Variants in MCM4 observed in about 807,000 individuals in gnomAD.
MCM4 encodes the protein DNA replication licensing factor MCM4.
A neutral mutation model predicts 88.7 loss-of-function variants in MCM4; 60 were observed. The observed-to-expected ratio is 0.68, with a 90% CI of 0.55 to 0.84. The LOEUF is 0.84. MCM4 is among the 40% of genes least tolerant of loss of function. MCM4 has a pLI of 0.00. For missense variants in MCM4, 1,149 were observed against 1,105.5 expected (o/e 1.04, Z -0.56); for synonymous variants, 465 against 410.5 (o/e 1.13, Z -1.61).
In MCM4 at chr8:47,961,696, T is replaced by C; in HGVS notation, c.235+16T>C. On this transcript the variant is annotated intron_variant, in intron 3 of 16. Coordinates refer to ENST00000649973, the MANE Select transcript of MCM4 (RefSeq NM_182746.3). Reference sequence around the variant, plus strand: ...CATTCTTCAGGTGCGTGTCTGAAGATCTTGGTTTTGCTGTGCTTGATACAC... The same window carrying C: ...CATTCTTCAGGTGCGTGTCTGAAGACCTTGGTTTTGCTGTGCTTGATACAC... 1 of 1,593,982 alleles carries C rather than the reference T, an allele frequency of 6.3e-7. No homozygotes were observed. Among genetic ancestry groups the C allele is most frequent in the African/African-American group, 1.3e-5 (1 of 74,420 alleles).
Position 47,977,907 on chromosome 8 carries a change from A to G in MCM4, c.*1129A>G, listed in dbSNP as rs921220063. On this transcript the variant is annotated 3_prime_UTR_variant, in exon 17 of 17. Coordinates refer to ENST00000649973, the MANE Select transcript of MCM4 (RefSeq NM_182746.3). ...ACCCTAATACATAAAACTTTTTCCTAAATAAATGATGGAAGGAATAATACT... is the reference window on the plus strand; with the variant it reads ...ACCCTAATACATAAAACTTTTTCCTGAATAAATGATGGAAGGAATAATACT... 1 of 152,196 alleles carries G rather than the reference A, an allele frequency of 6.6e-6. No individual in the cohort carries two copies. Among genetic ancestry groups the G allele is most frequent in the African/African-American group, 2.4e-5 (1 of 41,452 alleles). The allele number at this position is 152,196 out of a possible 1,614,324, so 9.4% of individuals were successfully genotyped here.
intron 10 of MCM4, chr8:47,969,516 C>T (rs2090931501): frequency 5.1e-6 from 2 of 392,202 alleles, no homozygotes; most frequent in Non-Finnish European, 9.3e-6. Context: ...CCTCAGCCTC[C>T]CAAAGTGCTA....
chr8:47,966,174 T>C lies in MCM4; in HGVS notation c.833-13T>C. 1.2e-6 allele frequency: 2 copies of C among 1,610,650 alleles called. No individual in the cohort carries two copies. The highest frequency in any genetic ancestry group is 1.1e-5 in the South Asian group (1 of 90,992). On this transcript the variant is annotated splice_polypyrimidine_tract_variant and intron_variant, in intron 8 of 16. Transcript: ENST00000649973. Reference sequence around the variant, plus strand: ...TCAGGTCAGGTGTGCTGACCTCTCTTCTCCCCTCACAGACATTGACCAGCT... The same window carrying C: ...TCAGGTCAGGTGTGCTGACCTCTCTCCTCCCCTCACAGACATTGACCAGCT...
intron 10 of MCM4, among the ~76,000 whole-genome samples, chr8:47,968,310 G>T (rs574852424): frequency 6.6e-6 from 1 of 152,334 alleles, no homozygotes; most frequent in South Asian, 2.1e-4. Flanking sequence ...TTCTTCCCCA[G>T]TGTGAAGTCC....
At chr8:47,964,747 G>A in intron 8 of MCM4, 35 bp downstream of exon 8, 12 of 1,502,996 alleles carry the variant, frequency 8.0e-6, no homozygotes, top group Middle Eastern at 1.8e-4. Flanking sequence ...TTTTGTTGAA[G>A]GAAAATGCCT....
intron 10 of MCM4, chr8:47,969,534 A>G: frequency 2.1e-6 from 1 of 479,824 alleles, no homozygotes; most frequent in Non-Finnish European, 3.8e-6. Context: ...CTAGGATTAC[A>G]GACATGAGCC....
chr8:47,976,602 T>C lies in MCM4; in HGVS notation c.2500-84T>C, dbSNP rs564437835. ...AAAAGAGAAAGATTCTGGGTGGTAC[T>C]TTAACATTATAATTATTGTGTTTCT... On this transcript the variant is annotated intron_variant, in intron 16 of 16. Coordinates refer to ENST00000649973, the MANE Select transcript of MCM4 (RefSeq NM_182746.3). The C allele has an allele frequency of 3.6e-5, 36 of 1,002,632 alleles. 2 individuals are homozygous for C. In the South Asian group the frequency reaches 4.6e-4, roughly 13 times the overall value. 62.1% of individuals were successfully genotyped at this position (1,002,632 alleles called of 1,614,324 possible).
Position 47,967,394 on chromosome 8 carries a change from G to T in MCM4, c.1083G>T (p.Met361Ile), listed in dbSNP as rs193178051. 2 of 1,614,152 alleles carry T rather than the reference G, an allele frequency of 1.2e-6. No individual in the cohort carries two copies. The highest frequency in any genetic ancestry group is 1.7e-6 in the Non-Finnish European group (2 of 1,180,026). ...AGCTTCAGGAGTCTCCGGAAGACAT[G>T]CCTGCAGGGCAGACACCACACACAG... The part of the protein sequence containing the change: ...MIKLQESPED[M>I]PAGQTPHTVI... Residue 361 changes from methionine (M) to isoleucine (I), a missense_variant, in exon 10 of 17, where the codon ATG (methionine) becomes ATT (isoleucine). Physicochemically the swap from Met to Ile is conservative, Grantham distance 10. Transcript: ENST00000649973.
In MCM4 at chr8:47,970,952, T is replaced by C. The variant is rs2090948387; in HGVS notation, c.1800+76T>C. ...CCTTGAAAGACAGGGTCTGTGGAAC[T>C]GTGCTGTGCTACCTTGGTTCTAACT... On this transcript the variant is annotated intron_variant, in intron 12 of 16. Transcript: ENST00000649973. 4.0e-6 allele frequency: 6 copies of C among 1,494,142 alleles called. No homozygotes were observed. The Admixed American group carries it at 8.6e-5, about 21-fold the overall frequency. 92.6% of individuals were successfully genotyped at this position (1,494,142 alleles called of 1,614,324 possible).
chr8:47,972,986 G>A lies in MCM4; in HGVS notation c.2058G>A (p.Val686=), dbSNP rs1369508115. 7 of 1,614,152 alleles carry A rather than the reference G, an allele frequency of 4.3e-6. No homozygotes were observed. Among genetic ancestry groups the A allele is most frequent in the Non-Finnish European group, 5.1e-6 (6 of 1,180,028 alleles). ...QAEEELLDMA[V]LKDYIAYAHS... ...AGGAGGAGCTCCTGGACATGGCGGT[G>A]CTAAAGGACTACATTGCCTACGCGC... The change falls in exon 14 of 17, where the codon GTG becomes GTA. Residue 686 remains valine (V), a synonymous_variant. Transcript: ENST00000649973.
chr8:47,973,200 T>TGGGCAAGAGAGCCA, intron 14 of MCM4, 136 bp downstream of exon 14: 1 of 857,508 alleles, frequency 1.2e-6, no homozygotes, highest in Non-Finnish European at 1.8e-6. Context: ...AGACAGAGCC[T>TGGGCAAGAGAGCCA]GGCTCTCTTG....
Position 47,967,354 on chromosome 8 carries a change from C to G in MCM4, c.1054-11C>G. On this transcript the variant is annotated splice_polypyrimidine_tract_variant and intron_variant, in intron 9 of 16. Transcript: ENST00000649973. ...TTGTGGCCCACATGTTCTCTGTTTG[C>G]TGACCTTCAGATCAAGCTTCAGGAG... 1 of 1,614,012 alleles carries G rather than the reference C, an allele frequency of 6.2e-7. No individual in the cohort carries two copies. The highest frequency in any genetic ancestry group is 8.5e-7 in the Non-Finnish European group (1 of 1,179,910).
Position 47,969,809 on chromosome 8 carries a change from G to A in MCM4, c.1186G>A (p.Ala396Thr), listed in dbSNP as rs1232750078. 4 of 1,614,108 alleles carry A rather than the reference G, an allele frequency of 2.5e-6. No individual in the cohort carries two copies. The highest frequency in any genetic ancestry group is 1.6e-4 in the Middle Eastern group (1 of 6,084). Reference sequence around the variant, plus strand: ...GGTTGTGCCCTCAGGCATCTATCGAGCTGTGCCTATTCGAGTCAATCCAAG... The same window carrying A: ...GGTTGTGCCCTCAGGCATCTATCGAACTGTGCCTATTCGAGTCAATCCAAG... The part of the protein sequence containing the change: ...DRVNVTGIYR[A>T]VPIRVNPRVS... The change falls in exon 11 of 17, where the codon GCT (alanine) becomes ACT (threonine). Residue 396 changes from alanine (A) to threonine (T), a missense_variant. Ala to Thr is a moderately conservative substitution (Grantham distance 58). This residue lies in a region of MCM4 where 906 missense variants were observed against 843.0 expected (regional missense o/e 1.07). Transcript: ENST00000649973.
chr8:47,964,733 T>C (rs1396885814), intron 8 of MCM4, 21 bp downstream of exon 8: 2 of 1,527,812 alleles, frequency 1.3e-6, no homozygotes, highest in South Asian at 2.5e-5. Context: ...TTTCATAGGA[T>C]TACTTTTGTT....
chr8:47,960,965 G>A lies in MCM4; in HGVS notation c.-64G>A, dbSNP rs1294291897. The A allele has an allele frequency of 3.4e-6, 2 of 596,668 alleles. No individual in the cohort carries two copies. Among genetic ancestry groups the A allele is most frequent in the Non-Finnish European group, 5.4e-6 (2 of 373,040 alleles). The allele number at this position is 596,668 out of a possible 1,614,324, so 37.0% of individuals were successfully genotyped here. ...CGCGGTTTGGGAGCGCTACTCGCCA[G>A]GTGGACTCGGAGTCCGCGAGCGTCG... On this transcript the variant is annotated 5_prime_UTR_variant, in exon 1 of 17. Coordinates refer to ENST00000649973, the MANE Select transcript of MCM4 (RefSeq NM_182746.3).
At chr8:47,961,392 G>A in intron 2 of MCM4, 124 bp from the exon 3 acceptor site, 1 of 1,562,316 alleles carries the variant, frequency 6.4e-7, no homozygotes, top group Non-Finnish European at 8.6e-7. Context: ...TGCTTAATTC[G>A]ATTGCCATTT....
At chr8:47,961,385 T>G in intron 2 of MCM4, 131 bp from the exon 3 acceptor site, 1 of 1,547,740 alleles carries the variant, frequency 6.5e-7, no homozygotes, top group Non-Finnish European at 8.7e-7. Context: ...TGGGTGCTGC[T>G]TAATTCGATT....
chr8:47,965,963 C>T (rs553691312), intron 8 of MCM4, among the ~76,000 whole-genome samples: 1 of 152,190 alleles, frequency 6.6e-6, no homozygotes, highest in African/African-American at 2.4e-5. Context: ...GGTAGGCAGA[C>T]AAGAAGGGAA....
chr8:47,968,260 G>A (rs746565680), intron 10 of MCM4, among the ~76,000 whole-genome samples: 2 of 152,310 alleles, frequency 1.3e-5, no homozygotes, highest in Non-Finnish European at 1.5e-5. Flanking sequence ...GGCACACCAC[G>A]CATCGGCTCT....
Sources: allele counts gnomAD v4.1 joint callset (sites outside exome capture counted in the v4.1 genomes callset), GRCh38; gene constraint gnomAD v4.1.1; regional missense constraint gnomAD v4.1.1; transcripts MANE v1.5; gene names NCBI Gene and HGNC (gene_info 2026-07-23, HGNC 2026-07-21).